The following HEPH variants were observed in gnomAD, a reference collection of about 807,000 sequenced individuals.
HEPH encodes hephaestin.
HEPH carries 69 observed loss-of-function variants against 80.8 expected under a neutral mutation model. That is an observed-to-expected ratio of 0.85 (90% CI 0.70 to 1.04). The LOEUF (loss-of-function observed/expected upper bound fraction) is 1.04, where lower values mean the gene tolerates loss of function less well. Ranked by LOEUF, HEPH falls within the 50% of genes least tolerant of loss-of-function variation. The pLI, the probability that HEPH is intolerant of heterozygous loss-of-function variation, is 0.00. For missense variants in HEPH, 1,115 were observed against 891.3 expected (o/e 1.25, Z -3.20); for synonymous variants, 431 against 322.8 (o/e 1.34, Z -3.60).
intron 15 of HEPH, among the ~76,000 whole-genome samples, chrX:66,229,490 T>C (rs948618416): frequency 4.5e-5 from 5 of 111,522 alleles, no homozygotes; most frequent in African/African-American, 9.8e-5. Flanking sequence ...AGACTACACA[T>C]TGAATACAGT....
chrX:66,244,320 G>T (rs1156919887), intron 15 of HEPH, among the ~76,000 whole-genome samples: 1 of 111,030 alleles, frequency 9.0e-6, no homozygotes, highest in African/African-American at 3.3e-5. Flanking sequence ...TCATAGATTT[G>T]GTATCTTTAC....
upstream of HEPH, chrX:66,164,218 T>A (rs768920790): frequency 2.7e-6 from 2 of 752,540 alleles, no homozygotes; most frequent in East Asian, 3.0e-4. Flanking sequence ...CCGGGTTTTG[T>A]ATCAAACCAG....
chrX:66,226,439 A>C (rs1167282850), intron 15 of HEPH, among the ~76,000 whole-genome samples: 1 of 112,422 alleles, frequency 8.9e-6, no homozygotes, highest in Non-Finnish European at 1.9e-5. Context: ...GAAAGGAAAT[A>C]ACCAAGATCA....
At chrX:66,208,285 A>G in intron 15 of HEPH, 39 bp downstream of exon 15, 4 of 1,168,870 alleles carry the variant, frequency 3.4e-6, no homozygotes, top group Non-Finnish European at 4.6e-6. Context: ...AAGGACATGC[A>G]TCACGTCTGC....
chrX:66,188,826 C>G (rs2087633502), intron 5 of HEPH, among the ~76,000 whole-genome samples: 2 of 112,482 alleles, frequency 1.8e-5, no homozygotes, highest in South Asian at 7.4e-4. Flanking sequence ...GAATAGCACA[C>G]AGTCTAAAGT....
chrX:66,202,410 A>T (rs2088509440), intron 12 of HEPH, among the ~76,000 whole-genome samples: 2 of 111,856 alleles, frequency 1.8e-5, no homozygotes, highest in Non-Finnish European at 3.8e-5. Context: ...TGAGCAGCAA[A>T]GTAAGGAAAC....
chrX:66,187,428 C>T (rs1328172555), intron 4 of HEPH, among the ~76,000 whole-genome samples: 3 of 111,334 alleles, frequency 2.7e-5, no homozygotes, highest in African/African-American at 9.8e-5. Flanking sequence ...TCTTCAGATT[C>T]TTTTGTCTCA....
intron 15 of HEPH, among the ~76,000 whole-genome samples, chrX:66,248,959 C>A (rs1444063996): frequency 9.0e-6 from 1 of 111,401 alleles, no homozygotes; most frequent in East Asian, 2.8e-4. Flanking sequence ...TTATTCATAT[C>A]TAAGTAAAGG....
At chrX:66,207,462 A>G (rs895831063) in intron 14 of HEPH, 128 bp downstream of exon 14, 1 of 452,997 alleles carries the variant, frequency 2.2e-6, no homozygotes, top group African/African-American at 2.6e-5. Flanking sequence ...GGAATTATGG[A>G]ATATTTTATG....
chrX:66,188,048 C>G (rs1238527351), intron 4 of HEPH, among the ~76,000 whole-genome samples: 2 of 110,925 alleles, frequency 1.8e-5, no homozygotes, highest in African/African-American at 6.6e-5. Flanking sequence ...ATATGTCAGA[C>G]TTGAAGACCA....
Position 66,189,727 on chromosome X carries a change from G to T in HEPH, c.852G>T (p.Met284Ile). ...TTGGGAATTTACCTGAGCTGAACAT[G>T]TGTGCACAGAAACGTGTGGCCTGGC... ...FVFGNLPELN[M>I]CAQKRVAWHL... Residue 284 changes from methionine (M) to isoleucine (I), a missense_variant, in exon 6 of 21, where the codon ATG becomes ATT. Physicochemically the swap from Met to Ile is conservative, Grantham distance 10 (BLOSUM62 1). This residue lies in a region of HEPH where 391 missense variants were observed against 343.6 expected (regional missense o/e 1.14). Transcript: ENST00000343002. 1 of 1,211,158 alleles carries T rather than the reference G, an allele frequency of 8.3e-7. No homozygotes were observed. Among genetic ancestry groups the T allele is most frequent in the Non-Finnish European group, 1.1e-6 (1 of 895,136 alleles).
At position 66,193,541 on chromosome X, in the gene HEPH, TG is replaced by T; in HGVS notation, c.1277del (p.Gly426AlafsTer34). 8.4e-7 allele frequency: 1 copy of T among 1,187,621 alleles called. No individual in the cohort carries two copies. Among genetic ancestry groups the T allele is most frequent in the Non-Finnish European group, 1.1e-6 (1 of 878,782 alleles). ...TTTTCCAGAAGAGCTCCAGCCGAAT[TG>T]GGGGCACTTACTGGAAAGTGCGATA... ...KFFQKSSSRI[G>X]GTYWKVRYEA... On this transcript the variant is annotated frameshift_variant, in exon 8 of 21. Transcript: ENST00000343002. LOFTEE classifies it high-confidence loss of function.
At chrX:66,174,161 C>T (rs1201178289) in intron 4 of HEPH, among the ~76,000 whole-genome samples, 1 of 109,746 alleles carries the variant, frequency 9.1e-6, no homozygotes, top group Non-Finnish European at 1.9e-5. Context: ...CCCTCGTGCC[C>T]CCCCAGCCTT....
intron 1 of HEPH, among the ~76,000 whole-genome samples, chrX:66,168,280 A>T (rs1244517127): frequency 8.9e-6 from 1 of 112,240 alleles, no homozygotes; most frequent in African/African-American, 3.2e-5. Flanking sequence ...GTAGAGATGA[A>T]TTAACAAACT....
intron 8 of HEPH, 104 bp downstream of exon 8, chrX:66,193,742 G>A: frequency 1.8e-6 from 1 of 544,173 alleles, no homozygotes; most frequent in Non-Finnish European, 2.9e-6. Flanking sequence ...TTGTAGACCA[G>A]CATCTCCCAA....
chrX:66,248,688 A>T (rs1361699338), intron 15 of HEPH, among the ~76,000 whole-genome samples: 5 of 112,396 alleles, frequency 4.4e-5, no homozygotes, highest in Non-Finnish European at 9.4e-5. Context: ...TTTCTGTAGC[A>T]CTTCAAACTA....
intron 4 of HEPH, among the ~76,000 whole-genome samples, chrX:66,180,224 A>G (rs1372849236): frequency 9.1e-6 from 1 of 110,213 alleles, no homozygotes; most frequent in Non-Finnish European, 1.9e-5. Context: ...TGCCTTCAAG[A>G]GGTTCCATTT....
intron 10 of HEPH, 36 bp from the exon 11 acceptor site, chrX:66,198,842 C>A: frequency 3.7e-6 from 4 of 1,081,016 alleles, no homozygotes; most frequent in South Asian, 1.9e-5. Context: ...AAACTATTGT[C>A]ATTATTCCCT....
chrX:66,193,984 C>T (rs1047770836), intron 8 of HEPH, among the ~76,000 whole-genome samples: 2 of 111,293 alleles, frequency 1.8e-5, no homozygotes, highest in Non-Finnish European at 3.8e-5. Flanking sequence ...TCCTAAAGGG[C>T]TATATAAGGA....
Sources: gnomAD v4.1 joint callset for allele counts (sites outside exome capture counted in the v4.1 genomes callset) on GRCh38, gnomAD v4.1.1 for gene constraint, gnomAD v4.1.1 regional missense constraint, MANE v1.5 for transcripts, NCBI Gene and HGNC (gene_info 2026-07-23, HGNC 2026-07-21) for gene names.